The following KRAS variants were observed in gnomAD, a reference collection of about 807,000 sequenced individuals.
KRAS encodes the protein GTPase KRas.
In KRAS, 1 loss-of-function variant was observed where a neutral mutation model predicts 21.0. The ratio of observed to expected loss-of-function variants is 0.05; its 90% confidence interval spans 0.02 to 0.23. The LOEUF is 0.23. KRAS is among the 10% of genes least tolerant of loss of function. The probability of loss-of-function intolerance (pLI) is 1.00; values close to 1 mark genes in which losing one functional copy is unlikely to be tolerated. For synonymous variants in KRAS, 67 were observed against 72.5 expected, an observed-to-expected ratio of 0.92 and a Z score of 0.39; for missense variants, 107 against 221.8, an observed-to-expected ratio of 0.48 and a Z score of 3.29.
At chr12:25,233,015 C>T (rs899018932) in intron 2 of KRAS, among the ~76,000 whole-genome samples, 1 of 152,010 alleles carries the variant, frequency 6.6e-6, no homozygotes, top group Non-Finnish European at 1.5e-5. Flanking sequence ...ACATGGCATC[C>T]TAAAATGTCT....
chr12:25,227,853 A>G (rs1210070978), intron 2 of KRAS, among the ~76,000 whole-genome samples: 1 of 152,158 alleles, frequency 6.6e-6, no homozygotes, highest in African/African-American at 2.4e-5. Flanking sequence ...CTAGGTATAT[A>G]ACCAAAATAA....
chr12:25,211,500 G>C (rs540149497), intron 4 of KRAS, among the ~76,000 whole-genome samples: 1 of 152,172 alleles, frequency 6.6e-6, no homozygotes, highest in South Asian at 2.1e-4. Flanking sequence ...GCTGAACCCG[G>C]AGAGGCGAAG....
chr12:25,215,091 TAAAAAA>T (rs775121370), intron 4 of KRAS: 20 of 87,770 alleles, frequency 2.3e-4, no homozygotes, highest in Middle Eastern at 8.8e-3. Context: ...TTCTCCCTAC[TAAAAAA>T]AAAAAAAAAA....
chr12:25,213,963 T>C (rs565593667), intron 4 of KRAS, among the ~76,000 whole-genome samples: 2 of 152,334 alleles, frequency 1.3e-5, no homozygotes, highest in South Asian at 4.1e-4. Context: ...ATTAAAAATA[T>C]GTAATTCTGG....
chr12:25,209,449 T>C lies in KRAS; in HGVS notation c.*346A>G. On this transcript the variant is annotated 3_prime_UTR_variant, in exon 5 of 5. Coordinates refer to ENST00000311936, the MANE Select transcript of KRAS (RefSeq NM_004985.5). Reference sequence around the variant, plus strand: ...AGATAAAACACAGAATAGGGATGATTCAAAAGCTTCATTAATTTGTTTCAC... The same window carrying C: ...AGATAAAACACAGAATAGGGATGATCCAAAAGCTTCATTAATTTGTTTCAC... 1 of 1,143,252 alleles carries C rather than the reference T, an allele frequency of 8.7e-7. No individual in the cohort carries two copies. Among genetic ancestry groups the C allele is most frequent in the Non-Finnish European group, 1.1e-6 (1 of 880,264 alleles). 70.8% of individuals were successfully genotyped at this position (1,143,252 alleles called of 1,614,324 possible). A position where few individuals can be genotyped will look rare whatever the true frequency, so the allele number is the denominator to read the frequency against.
intron 2 of KRAS, among the ~76,000 whole-genome samples, chr12:25,242,482 T>G (rs1256865090): frequency 1.3e-5 from 2 of 152,222 alleles, no homozygotes; most frequent in Admixed American, 1.3e-4. Context: ...GGGGCTATTT[T>G]GAGTTTTCAA....
chr12:25,229,930 G>A (rs12579681), intron 2 of KRAS, among the ~76,000 whole-genome samples: 74,055 of 151,716 alleles, frequency 0.49, 19,120 homozygotes, highest in East Asian at 0.8. Flanking sequence ...CACCACGCCC[G>A]GCTAATTTTT....
At chr12:25,244,802 T>C (rs1391720910) in intron 2 of KRAS, among the ~76,000 whole-genome samples, 1 of 152,096 alleles carries the variant, frequency 6.6e-6, no homozygotes, top group East Asian at 1.9e-4. Context: ...TTTGTAAAAT[T>C]TATCCGGTAG....
In KRAS at chr12:25,225,744, T is replaced by C. The variant is rs1951384902; in HGVS notation, c.320A>G (p.Glu107Gly). Reference sequence around the variant, plus strand: ...TCCTACTAGGACCATAGGTACATCTTCAGAGTCCTTAACTCTTTTAATTTG... The same window carrying C: ...TCCTACTAGGACCATAGGTACATCTCCAGAGTCCTTAACTCTTTTAATTTG... The part of the protein sequence containing the change: ...REQIKRVKDS[E>G]DVPMVLVGNK... The change falls in exon 4 of 5, where the codon GAA becomes GGA. Residue 107 changes from glutamate (E) to glycine (G), a missense_variant. Physicochemically the swap from Glu to Gly is moderately conservative, Grantham distance 98. Coordinates refer to ENST00000311936, the MANE Select transcript of KRAS (RefSeq NM_004985.5). The C allele has an allele frequency of 6.2e-7, 1 of 1,612,936 alleles. No homozygotes were observed. The highest frequency in any genetic ancestry group is 1.1e-5 in the South Asian group (1 of 91,060).
chr12:25,215,186 T>A, intron 4 of KRAS: 1 of 649,724 alleles, frequency 1.5e-6, no homozygotes, highest in Non-Finnish European at 1.9e-6. Context: ...TTTAGTTTAC[T>A]TAAGACTCAT....
At chr12:25,238,718 T>A (rs1951573216) in intron 2 of KRAS, among the ~76,000 whole-genome samples, 1 of 152,218 alleles carries the variant, frequency 6.6e-6, no homozygotes, top group Admixed American at 6.5e-5. Flanking sequence ...TTTTTGAACA[T>A]CAGTATATCT....
chr12:25,241,761 A>G (rs1951613113), intron 2 of KRAS, among the ~76,000 whole-genome samples: 1 of 152,218 alleles, frequency 6.6e-6, no homozygotes, highest in Non-Finnish European at 1.5e-5. Flanking sequence ...TCTACTCAAT[A>G]GATGCCAGTA....
chr12:25,224,322 TG>T (rs971034968), intron 4 of KRAS, among the ~76,000 whole-genome samples: 1 of 151,662 alleles, frequency 6.6e-6, no homozygotes, highest in Admixed American at 6.6e-5. Flanking sequence ...GATCTTCCAG[TG>T]GGACAAGATG....
At chr12:25,221,973 A>C (rs1951331094) in intron 4 of KRAS, among the ~76,000 whole-genome samples, 1 of 151,950 alleles carries the variant, frequency 6.6e-6, no homozygotes, top group African/African-American at 2.4e-5. Flanking sequence ...ACACAGTGAA[A>C]CCCGTCTCTA....
intron 2 of KRAS, among the ~76,000 whole-genome samples, chr12:25,243,629 T>C (rs1951639116): frequency 6.6e-6 from 1 of 152,128 alleles, no homozygotes; most frequent in South Asian, 2.1e-4. Flanking sequence ...TGTAATGGAA[T>C]TTCTCAGATT....
rs1951126001 is a variant in KRAS at position 25,205,470 on chromosome 12, AAAAG to A, written c.*4321_*4324del. On this transcript the variant is annotated 3_prime_UTR_variant, in exon 5 of 5. Coordinates refer to ENST00000311936, the MANE Select transcript of KRAS (RefSeq NM_004985.5). ...CTGGATCACACTGCATATGTCCCAC[AAAAG>A]AAAGCACAATGTACAAAATGTGCAT... is the stretch of plus-strand genomic sequence containing the variant. 2 of 215,524 alleles carry A rather than the reference AAAAG, an allele frequency of 9.3e-6. No homozygotes were observed. Among genetic ancestry groups the A allele is most frequent in the Admixed American group, 1.2e-4 (2 of 17,140 alleles). The allele number at this position is 215,524 out of a possible 1,614,324, so 13.4% of individuals were successfully genotyped here.
intron 2 of KRAS, among the ~76,000 whole-genome samples, chr12:25,239,788 A>C (rs920515686): frequency 4.6e-5 from 7 of 152,208 alleles, no homozygotes; most frequent in Admixed American, 1.3e-4. Flanking sequence ...CCCCGTCTCT[A>C]CTAAAAATAC....
rs751484993 is a variant in KRAS at position 25,208,191 on chromosome 12, A to C, written c.*1604T>G. 7 of 232,754 alleles carry C rather than the reference A, an allele frequency of 3.0e-5. No individual in the cohort carries two copies. In the Admixed American group the frequency reaches 3.9e-4, roughly 13 times the overall value. 14.4% of individuals were successfully genotyped at this position (232,754 alleles called of 1,614,324 possible). A position where few individuals can be genotyped will look rare whatever the true frequency, so the allele number is the denominator to read the frequency against. On this transcript the variant is annotated 3_prime_UTR_variant, in exon 5 of 5. Transcript: ENST00000311936. The stretch of plus-strand genomic sequence containing the variant: ...GTAAAAAAAAAAAACTAAGAGTTTG[A>C]GATGACTTCTTTTAACATGAAGAAA...
chr12:25,205,358 A>AGTT lies in KRAS; in HGVS notation c.*4434_*4436dup, dbSNP rs944378331. On this transcript the variant is annotated 3_prime_UTR_variant, in exon 5 of 5. Coordinates refer to ENST00000311936, the MANE Select transcript of KRAS (RefSeq NM_004985.5). ...GCACATACTCCTATAAACATTTAAAAGTTAATTTCAATTAAAAGAGTGGTC... is the reference window on the plus strand; with the variant it reads ...GCACATACTCCTATAAACATTTAAAAGTTGTTAATTTCAATTAAAAGAGTGGTC... The AGTT allele has an allele frequency of 6.1e-5, 13 of 214,130 alleles. No individual in the cohort carries two copies. The highest frequency in any genetic ancestry group is 2.7e-4 in the African/African-American group (12 of 44,330). 13.3% of individuals were successfully genotyped at this position (214,130 alleles called of 1,614,324 possible). A position where few individuals can be genotyped will look rare whatever the true frequency, so the allele number is the denominator to read the frequency against.
Sources: gnomAD v4.1 joint callset for allele counts (sites outside exome capture counted in the v4.1 genomes callset) on GRCh38, gnomAD v4.1.1 for gene constraint, MANE v1.5 for transcripts, NCBI Gene and HGNC (gene_info 2026-07-23, HGNC 2026-07-21) for gene names.